The following PTK2B variants were observed in gnomAD, a reference collection of about 807,000 sequenced individuals.
PTK2B encodes protein tyrosine kinase 2 beta, also known as protein-tyrosine kinase 2-beta.
In PTK2B, 71 loss-of-function variants were observed where a neutral mutation model predicts 142.9. The observed-to-expected ratio is 0.50, with a 90% CI of 0.41 to 0.61. The LOEUF (loss-of-function observed/expected upper bound fraction) is 0.61, where lower values mean the gene tolerates loss of function less well. Ranked by LOEUF, PTK2B falls within the 20% of genes least tolerant of loss-of-function variation. PTK2B has a pLI of 0.00. For missense variants in PTK2B, 1,105 were observed against 1,320.4 expected (o/e 0.84, Z 2.53); for synonymous variants, 519 against 503.4 (o/e 1.03, Z -0.42).
rs762131122 is a variant in PTK2B, at chr8:27,440,444, G to C, written c.2039+3G>C. 1 of 1,613,356 alleles carries C rather than the reference G, an allele frequency of 6.2e-7. No homozygotes were observed. On this transcript the variant is annotated splice_donor_region_variant and intron_variant, in intron 21 of 30. Coordinates refer to ENST00000346049, the MANE Select transcript of PTK2B (RefSeq NM_173176.3). Reference sequence around the variant, plus strand: ...ACCGAGCTGGTGTGCAGCCTCAGGTGAGCATGGAGTGTGGGCTGTGGGCTG... The same window carrying C: ...ACCGAGCTGGTGTGCAGCCTCAGGTCAGCATGGAGTGTGGGCTGTGGGCTG...
intron 12 of PTK2B, 50 bp from the exon 13 acceptor site, chr8:27,434,463 C>T: frequency 2.5e-6 from 4 of 1,572,562 alleles, no homozygotes; most frequent in Non-Finnish European, 3.5e-6. Context: ...CCCAGGGGAA[C>T]ATTACCGGCC....
At chr8:27,455,347 T>A (rs189187989) in intron 30 of PTK2B, among the ~76,000 whole-genome samples, 1 of 152,098 alleles carries the variant, frequency 6.6e-6, no homozygotes, top group Non-Finnish European at 1.5e-5. Flanking sequence ...GTGAATTGCT[T>A]GAGCTCAGGA....
At position 27,351,609 on chromosome 8, in the gene PTK2B, A is replaced by T. The variant is rs142223036; in HGVS notation, c.-38+25928A>T. Among the ~76,000 whole-genome samples the T allele has an allele frequency of 3.9e-5, 6 of 152,312 alleles. No individual in the cohort carries two copies. In the East Asian group the frequency reaches 1.2e-3, roughly 29 times the overall value. Reference sequence around the variant, plus strand: ...CTTTACCAAAAAAAATAAATTAATTAATAAATAAATAAAAGTGTACTAATG... The same window carrying T: ...CTTTACCAAAAAAAATAAATTAATTTATAAATAAATAAAAGTGTACTAATG... On this transcript the variant is annotated intron_variant, in intron 1 of 30. Coordinates refer to ENST00000346049, the MANE Select transcript of PTK2B (RefSeq NM_173176.3).
chr8:27,448,559 A>G (rs148092176), intron 24 of PTK2B, among the ~76,000 whole-genome samples: 186 of 152,178 alleles, frequency 1.2e-3, no homozygotes, highest in African/African-American at 4.4e-3. Flanking sequence ...GAGGCATGCT[A>G]GGCATTTTAG....
At chr8:27,367,229 C>T (rs569854295) in intron 1 of PTK2B, among the ~76,000 whole-genome samples, 79 of 152,320 alleles carry the variant, frequency 5.2e-4, no homozygotes, top group African/African-American at 1.5e-3. Flanking sequence ...GTCAAGGGCT[C>T]TTTGTCCTGT....
chr8:27,322,448 G>A (rs1207816635), upstream of PTK2B: 3 of 152,124 alleles, frequency 2.0e-5, no homozygotes, highest in African/African-American at 2.4e-5. Flanking sequence ...CAAGCTAGAC[G>A]GCAGATGAAA....
intron 27 of PTK2B, chr8:27,451,759 C>A: frequency 1.5e-6 from 2 of 1,357,234 alleles, no homozygotes; most frequent in Non-Finnish European, 1.9e-6. Flanking sequence ...CTCCTCAGAT[C>A]ATCCCCCTCC....
At chr8:27,389,324 G>A (rs1807568555) in intron 1 of PTK2B, among the ~76,000 whole-genome samples, 1 of 151,482 alleles carries the variant, frequency 6.6e-6, no homozygotes, top group South Asian at 2.4e-4. Context: ...AAGACAGGAG[G>A]GAAGACAGGA....
chr8:27,379,404 T>TC (rs1295777920), intron 1 of PTK2B, among the ~76,000 whole-genome samples: 2 of 152,090 alleles, frequency 1.3e-5, no homozygotes, highest in Non-Finnish European at 2.9e-5. Context: ...TTTTAAAAAT[T>TC]TTTTGTAGAG....
intron 2 of PTK2B, 54 bp from the exon 3 acceptor site, chr8:27,419,841 T>A (rs1445122127): frequency 1.3e-6 from 2 of 1,582,612 alleles, no homozygotes; most frequent in Non-Finnish European, 1.7e-6. Flanking sequence ...GTGAGAATTA[T>A]GGGAGCCCAA....
In PTK2B at chr8:27,378,620, TG is replaced by T. The variant is rs1806819199; in HGVS notation, c.-37-18927del. Among the ~76,000 whole-genome samples, 3 of 135,972 alleles carry T rather than the reference TG, an allele frequency of 2.2e-5. No homozygotes were observed. In the East Asian group the frequency reaches 5.8e-4, roughly 26 times the overall value. The allele number at this position is 135,972 out of a possible 152,430, so 89.2% of individuals were successfully genotyped here. On this transcript the variant is annotated intron_variant, in intron 1 of 30. Transcript: ENST00000346049. ...GCTTATCTGTGTGTGTGTGTGTGTGTGTGTGTGTGTGTGTGTGTGTGTGTGT... is the reference window on the plus strand; with the variant it reads ...GCTTATCTGTGTGTGTGTGTGTGTGTTGTGTGTGTGTGTGTGTGTGTGTGT...
intron 3 of PTK2B, among the ~76,000 whole-genome samples, chr8:27,420,429 A>G (rs958949627): frequency 4.6e-5 from 7 of 152,228 alleles, no homozygotes; most frequent in Admixed American, 1.3e-4. Context: ...GTGGAGAGTC[A>G]GGGATAGCTC....
chr8:27,402,101 G>A (rs1808420083), intron 2 of PTK2B, among the ~76,000 whole-genome samples: 1 of 152,168 alleles, frequency 6.6e-6, no homozygotes, highest in Non-Finnish European at 1.5e-5. Context: ...AGTAAGGGGG[G>A]AAGCCTATTT....
At chr8:27,443,080 C>A in intron 22 of PTK2B, 97 bp downstream of exon 22, 1 of 733,592 alleles carries the variant, frequency 1.4e-6, no homozygotes, top group South Asian at 1.6e-5. Flanking sequence ...AGGATGCCCC[C>A]TACAGCCCTT....
At chr8:27,403,790 CTTCT>C (rs902771437) in intron 2 of PTK2B, among the ~76,000 whole-genome samples, 2 of 152,054 alleles carry the variant, frequency 1.3e-5, no homozygotes, top group African/African-American at 4.8e-5. Flanking sequence ...TCCTCCTCTT[CTTCT>C]TTCTTTGTTC....
chr8:27,365,926 C>G (rs1412544277), intron 1 of PTK2B, among the ~76,000 whole-genome samples: 1 of 152,184 alleles, frequency 6.6e-6, no homozygotes, highest in African/African-American at 2.4e-5. Flanking sequence ...TTAGCCAGTC[C>G]TGACAGAAGC....
intron 27 of PTK2B, 29 bp from the exon 28 acceptor site, chr8:27,453,084 GC>G (rs778721979): frequency 6.2e-7 from 1 of 1,613,122 alleles, no homozygotes; most frequent in Non-Finnish European, 8.5e-7. Flanking sequence ...GCTGAGAACT[GC>G]CCCCCACTTG....
exon 1 of PTK2B, chr8:27,311,593 A>G: frequency 3.2e-6 from 1 of 314,884 alleles, no homozygotes; most frequent in Non-Finnish European, 5.8e-6. Flanking sequence ...TTCCGGCTGC[A>G]AATGGGAAAA....
At chr8:27,314,667 G>A (rs1206389715) in intron 3 of PTK2B, among the ~76,000 whole-genome samples, 2 of 152,180 alleles carry the variant, frequency 1.3e-5, no homozygotes, top group Non-Finnish European at 2.9e-5. Flanking sequence ...TTCTGTAATG[G>A]GGCCTTTGAG....
Sources: gnomAD v4.1 joint callset for allele counts (sites outside exome capture counted in the v4.1 genomes callset) on GRCh38, gnomAD v4.1.1 for gene constraint, MANE v1.5 for transcripts, NCBI Gene and HGNC (gene_info 2026-07-23, HGNC 2026-07-21) for gene names.